EIF4A2: variants seen among roughly 807,000 people sequenced by gnomAD.
EIF4A2 encodes the protein eukaryotic initiation factor 4A-II.
EIF4A2 carries 9 observed loss-of-function variants against 50.6 expected under a neutral mutation model. The ratio of observed to expected loss-of-function variants is 0.18; its 90% CI spans 0.11 to 0.31. The LOEUF (loss-of-function observed/expected upper bound fraction) is 0.31, where lower values mean the gene tolerates loss of function less well. Ranked by LOEUF, EIF4A2 falls within the 10% of genes least tolerant of loss-of-function variation. EIF4A2 has a pLI of 1.00. For missense variants in EIF4A2, 182 were observed against 501.8 expected (o/e 0.36, Z 6.09); for synonymous variants, 215 against 164.4 (o/e 1.31, Z -2.35).
At chr3:186,784,216 TCGCCATGCG>T in intron 1 of EIF4A2, 2 of 634,208 alleles carry the variant, frequency 3.2e-6, no homozygotes, top group Non-Finnish European at 5.3e-6. Context: ...TGAAACGGGA[TCGCCATGCG>T]CTCGGGCCTG....
chr3:186,784,741 G>A lies in EIF4A2; in HGVS notation c.208+45G>A, dbSNP rs775869166. ...TTAGGAAATTGTTCTACATAGACAT[G>A]AACCATAAAAGGGAAAGTAACCTCT... On this transcript the variant is annotated intron_variant, in intron 3 of 10. Coordinates refer to ENST00000323963, the MANE Select transcript of EIF4A2 (RefSeq NM_001967.4). 3.7e-6 allele frequency: 6 copies of A among 1,611,034 alleles called. No individual in the cohort carries two copies. In the South Asian group the frequency reaches 6.6e-5, roughly 18 times the overall value.
rs769968288 is a variant in EIF4A2, at chr3:186,787,252, A to G, written c.897A>G (p.Thr299=). ...LTEKMHARDF[T]VSALHGDMDQ... ...AGAAGATGCATGCCAGAGACTTCAC[A>G]GTTTCTGCTCTGGTAAGAGGTGTTC... is the stretch of plus-strand genomic sequence containing the variant. The change falls in exon 8 of 11, where the codon ACA becomes ACG. Residue 299 remains threonine (T), a synonymous_variant. Transcript: ENST00000323963. 7 of 1,614,138 alleles carry G rather than the reference A, an allele frequency of 4.3e-6. No homozygotes were observed. Among genetic ancestry groups the G allele is most frequent in the South Asian group, 1.1e-5 (1 of 91,078 alleles).
At chr3:186,785,157 C>T in intron 4 of EIF4A2, 56 bp downstream of exon 4, 7 of 1,601,592 alleles carry the variant, frequency 4.4e-6, no homozygotes, top group Non-Finnish European at 5.1e-6. Context: ...TTTCAGGTTT[C>T]ACAACTGTGA....
intron 1 of EIF4A2, chr3:186,783,875 A>G: frequency 1.7e-6 from 1 of 595,570 alleles, no homozygotes; most frequent in Non-Finnish European, 2.9e-6. Context: ...ACATTACGAA[A>G]CTTCGGCTGC....
Position 186,789,497 on chromosome 3 carries a change from G to T in EIF4A2, c.*228G>T. 2.3e-6 allele frequency: 1 copy of T among 438,612 alleles called. No homozygotes were observed. Among genetic ancestry groups the T allele is most frequent in the Non-Finnish European group, 3.9e-6 (1 of 258,192 alleles). The allele number at this position is 438,612 out of a possible 1,614,324, so 27.2% of individuals were successfully genotyped here. On this transcript the variant is annotated 3_prime_UTR_variant, in exon 11 of 11. Coordinates refer to ENST00000323963, the MANE Select transcript of EIF4A2 (RefSeq NM_001967.4). ...ACTGTTGGGGTGGGTATAAAAGATG[G>T]GGTCTGTAAAATCTTTCTTTCTTAG...
intron 6 of EIF4A2, 84 bp from the exon 7 acceptor site, chr3:186,786,418 T>C: frequency 6.4e-7 from 1 of 1,561,862 alleles, no homozygotes; most frequent in Middle Eastern, 2.3e-4. Context: ...CATTCCGTAG[T>C]AAGACAGAGA....
intron 10 of EIF4A2, chr3:186,788,085 AGGGTTTTTTTCCACAATTGTT>A: frequency 1.4e-6 from 1 of 716,974 alleles, no homozygotes; most frequent in East Asian, 2.8e-5. Context: ...TTGTGGACAT[AGGGTTTTTTTCCACAATTGTT>A]GGTCTTACCT....
chr3:186,784,212 G>A, intron 1 of EIF4A2: 1 of 623,752 alleles, frequency 1.6e-6, no homozygotes, highest in Non-Finnish European at 2.7e-6. Flanking sequence ...CAGTTGAAAC[G>A]GGATCGCCAT....
At position 186,784,712 on chromosome 3, in the gene EIF4A2, A is replaced by G; in HGVS notation, c.208+16A>G. 2 of 1,612,102 alleles carry G rather than the reference A, an allele frequency of 1.2e-6. No individual in the cohort carries two copies. The highest frequency in any genetic ancestry group is 2.2e-5 in the East Asian group (1 of 44,844). ...TGTATTAAAGGTAAAAGAAACTGGC[A>G]TTTTTAGGAAATTGTTCTACATAGA... is the stretch of plus-strand genomic sequence containing the variant. On this transcript the variant is annotated intron_variant, in intron 3 of 10. Coordinates refer to ENST00000323963, the MANE Select transcript of EIF4A2 (RefSeq NM_001967.4).
intron 7 of EIF4A2, 73 bp downstream of exon 7, chr3:186,786,718 C>T (rs746405150): frequency 1.9e-6 from 3 of 1,597,688 alleles, no homozygotes; most frequent in South Asian, 2.2e-5. Context: ...GACACTAGGA[C>T]CATGTCTTGG....
intron 3 of EIF4A2, 76 bp from the exon 4 acceptor site, chr3:186,784,886 C>G (rs758612890): frequency 1.2e-6 from 2 of 1,611,784 alleles, no homozygotes; most frequent in Non-Finnish European, 1.7e-6. Flanking sequence ...CATAATGTTC[C>G]AAATGGAATA....
At position 186,787,595 on chromosome 3, in the gene EIF4A2, T is replaced by C. The variant is rs767273225; in HGVS notation, c.999+11T>C. The C allele has an allele frequency of 1.2e-6, 2 of 1,613,872 alleles. No homozygotes were observed. Among genetic ancestry groups the C allele is most frequent in the Non-Finnish European group, 1.7e-6 (2 of 1,179,806 alleles). On this transcript the variant is annotated intron_variant, in intron 9 of 10. Coordinates refer to ENST00000323963, the MANE Select transcript of EIF4A2 (RefSeq NM_001967.4). ...ACTACTGACTTGTTGGTAAGTCTCTTAATGCTTTTTAAAAATCTACCAAAA... is the reference window on the plus strand; with the variant it reads ...ACTACTGACTTGTTGGTAAGTCTCTCAATGCTTTTTAAAAATCTACCAAAA...
intron 10 of EIF4A2, chr3:186,788,776 C>T: frequency 4.0e-6 from 1 of 247,494 alleles, no homozygotes; most frequent in East Asian, 9.0e-5. Context: ...TCTTTTATTC[C>T]TGGTGTTCAC....
Position 186,785,861 on chromosome 3 carries a change from ATAAT to A in EIF4A2, c.349-18_349-15del, listed in dbSNP as rs755103268. ...ATTGATCCTGGAGTTCTGCGGAATAATAATTAAGGCTTGGGTTTTAGATCCAAAA... is the reference window on the plus strand; with the variant it reads ...ATTGATCCTGGAGTTCTGCGGAATAATAAGGCTTGGGTTTTAGATCCAAAA... On this transcript the variant is annotated intron_variant, in intron 4 of 10. Coordinates refer to ENST00000323963, the MANE Select transcript of EIF4A2 (RefSeq NM_001967.4). 5.7e-6 allele frequency: 9 copies of A among 1,580,054 alleles called. No individual in the cohort carries two copies. Among genetic ancestry groups the A allele is most frequent in the South Asian group, 4.5e-5 (4 of 89,486 alleles).
Position 186,786,393 on chromosome 3 carries a change from A to T in EIF4A2, c.628-109A>T, listed in dbSNP as rs575110411. On this transcript the variant is annotated intron_variant, in intron 6 of 10. Coordinates refer to ENST00000323963, the MANE Select transcript of EIF4A2 (RefSeq NM_001967.4). The stretch of plus-strand genomic sequence containing the variant: ...CCCCTGCTTAAAGCACTTGATGCAT[A>T]ACTCTGTCTACCTTCATTCCGTAGT... The T allele has an allele frequency of 9.8e-6, 15 of 1,532,970 alleles. No individual in the cohort carries two copies. In the Admixed American group the frequency reaches 1.8e-4, roughly 18 times the overall value. 95.0% of individuals were successfully genotyped at this position (1,532,970 alleles called of 1,614,324 possible).
At position 186,789,013 on chromosome 3, in the gene EIF4A2, G is replaced by C. The variant is rs185756266; in HGVS notation, c.1080-112G>C. On this transcript the variant is annotated intron_variant, in intron 10 of 10. Coordinates refer to ENST00000323963, the MANE Select transcript of EIF4A2 (RefSeq NM_001967.4). ...CAGCTAGTGCTCCAGTTAGAAGCAC[G>C]AACTATAACCTTGATAAGTAAACAG... 2.8e-6 allele frequency: 4 copies of C among 1,423,160 alleles called. No individual in the cohort carries two copies. The African/African-American group carries it at 5.8e-5, about 21-fold the overall frequency. 88.2% of individuals were successfully genotyped at this position (1,423,160 alleles called of 1,614,324 possible). A position where few individuals can be genotyped will look rare whatever the true frequency, so the allele number is the denominator to read the frequency against.
chr3:186,784,170 T>A (rs1388989974), intron 1 of EIF4A2: 5 of 551,196 alleles, frequency 9.1e-6, no homozygotes, highest in Non-Finnish European at 1.6e-5. Context: ...GGGGGCGGAG[T>A]TCGGCGCTCC....
chr3:186,787,637 G>C (rs368646503), intron 9 of EIF4A2, 53 bp downstream of exon 9: 1 of 1,610,700 alleles, frequency 6.2e-7, no homozygotes, highest in Admixed American at 1.7e-5. Flanking sequence ...TTTTTGGGGG[G>C]CAGGTTTTTA....
intron 10 of EIF4A2, 164 bp downstream of exon 10, chr3:186,788,046 A>C: frequency 1.2e-6 from 1 of 833,174 alleles, no homozygotes; most frequent in Non-Finnish European, 1.8e-6. Flanking sequence ...ATGAGAACAA[A>C]GTGGGAAAAC....
Sources: allele counts gnomAD v4.1 joint callset, GRCh38; gene constraint gnomAD v4.1.1; transcripts MANE v1.5; gene names NCBI Gene and HGNC (gene_info 2026-07-23, HGNC 2026-07-21).